Variants in SLC24A3 observed in about 807,000 individuals in gnomAD.
SLC24A3 encodes solute carrier family 24 member 3, also known as sodium/potassium/calcium exchanger 3.
Under a neutral mutation model 75.8 loss-of-function variants are expected in SLC24A3, and 28 were observed. The ratio of observed to expected loss-of-function variants is 0.37; its 90% CI spans 0.27 to 0.51. The LOEUF (loss-of-function observed/expected upper bound fraction) is 0.51, where lower values mean the gene tolerates loss of function less well. Ranked by LOEUF, SLC24A3 falls within the 20% of genes least tolerant of loss-of-function variation. The pLI, the probability that SLC24A3 is intolerant of heterozygous loss-of-function variation, is 0.94. For missense variants in SLC24A3, 663 were observed against 847.8 expected, an observed-to-expected ratio of 0.78 and a Z score of 2.71; for synonymous variants, 372 against 334.1, an observed-to-expected ratio of 1.11 and a Z score of -1.24.
At chr20:19,311,300 G>T (rs1164960246) in intron 2 of SLC24A3, among the ~76,000 whole-genome samples, 1 of 151,826 alleles carries the variant, frequency 6.6e-6, no homozygotes, top group Non-Finnish European at 1.5e-5. Context: ...AGGGCCCGCG[G>T]ATGGGTTCTC....
intron 2 of SLC24A3, among the ~76,000 whole-genome samples, chr20:19,328,811 G>A (rs1363943804): frequency 6.6e-6 from 1 of 152,222 alleles, no homozygotes; most frequent in Non-Finnish European, 1.5e-5. Context: ...GGACTGGGAG[G>A]AAGACAGAAG....
chr20:19,516,116 C>T (rs1228680819), intron 3 of SLC24A3, among the ~76,000 whole-genome samples: 1 of 152,190 alleles, frequency 6.6e-6, no homozygotes, highest in African/African-American at 2.4e-5. Context: ...TGGCAACTAG[C>T]ACCATGTCTG....
intron 3 of SLC24A3, among the ~76,000 whole-genome samples, chr20:19,545,222 T>C (rs949616706): frequency 3.3e-5 from 5 of 152,148 alleles, no homozygotes; most frequent in African/African-American, 4.8e-5. Context: ...CATAAGTACA[T>C]GCAATTATCC....
chr20:19,575,336 G>C (rs970564487), intron 3 of SLC24A3, among the ~76,000 whole-genome samples: 8 of 149,828 alleles, frequency 5.3e-5, no homozygotes, highest in Non-Finnish European at 8.9e-5. Flanking sequence ...TTCATATATA[G>C]AGAGCCCATG....
At chr20:19,505,877 G>T (rs982443771) in intron 2 of SLC24A3, among the ~76,000 whole-genome samples, 2 of 152,098 alleles carry the variant, frequency 1.3e-5, no homozygotes, top group African/African-American at 4.8e-5. Context: ...TAGGGCCCCA[G>T]GACTGTGGGC....
chr20:19,416,241 C>CA (rs1986825290), intron 2 of SLC24A3, among the ~76,000 whole-genome samples: 1 of 152,156 alleles, frequency 6.6e-6, no homozygotes. Flanking sequence ...AACACAAAAA[C>CA]AAAAACAACA....
intron 15 of SLC24A3, among the ~76,000 whole-genome samples, chr20:19,715,998 G>C (rs2033041474): frequency 1.3e-5 from 2 of 152,204 alleles, no homozygotes; most frequent in African/African-American, 4.8e-5. Context: ...AACAGAAGTG[G>C]ATCTGAGCTT....
At chr20:19,634,114 C>G (rs1357515819) in intron 6 of SLC24A3, among the ~76,000 whole-genome samples, 1 of 152,188 alleles carries the variant, frequency 6.6e-6, no homozygotes, top group Non-Finnish European at 1.5e-5. Flanking sequence ...AATACTGAGA[C>G]ATCGCCAGTC....
chr20:19,455,151 G>A (rs956785706), intron 2 of SLC24A3, among the ~76,000 whole-genome samples: 7 of 152,206 alleles, frequency 4.6e-5, no homozygotes, highest in East Asian at 1.9e-4. Context: ...CACCATGCTC[G>A]GAGGAGGAGA....
chr20:19,700,214 G>A (rs1281580054), intron 15 of SLC24A3, among the ~76,000 whole-genome samples: 4 of 152,138 alleles, frequency 2.6e-5, no homozygotes, highest in African/African-American at 9.7e-5. Context: ...AGCCCAACAC[G>A]GGATTGGTTT....
At chr20:19,638,929 T>G (rs374781596) in intron 6 of SLC24A3, among the ~76,000 whole-genome samples, 1 of 152,128 alleles carries the variant, frequency 6.6e-6, no homozygotes, top group Non-Finnish European at 1.5e-5. Flanking sequence ...AAAAGCAGTG[T>G]GGACCCAAAG....
chr20:19,214,321 C>T (rs999866489), intron 1 of SLC24A3, among the ~76,000 whole-genome samples: 1 of 152,122 alleles, frequency 6.6e-6, no homozygotes, highest in African/African-American at 2.4e-5. Flanking sequence ...GGAAGGGGGC[C>T]GTGCCGGTGT....
chr20:19,353,696 A>G (rs1333726246), intron 2 of SLC24A3, among the ~76,000 whole-genome samples: 5 of 152,242 alleles, frequency 3.3e-5, no homozygotes, highest in African/African-American at 1.2e-4. Flanking sequence ...CAGACTAATA[A>G]AAATGCATGA....
intron 2 of SLC24A3, among the ~76,000 whole-genome samples, chr20:19,331,443 A>G (rs576889847): frequency 6.6e-6 from 1 of 151,880 alleles, no homozygotes; most frequent in African/African-American, 2.4e-5. Context: ...GGATGAATGC[A>G]TAGATAGATG....
At chr20:19,603,821 C>T (rs951203757) in intron 6 of SLC24A3, among the ~76,000 whole-genome samples, 7 of 152,164 alleles carry the variant, frequency 4.6e-5, no homozygotes, top group Non-Finnish European at 8.8e-5. Context: ...ACACCTGCAG[C>T]TGTCCTGGCA....
At chr20:19,590,130 G>A (rs962169591) in intron 6 of SLC24A3, among the ~76,000 whole-genome samples, 4 of 149,990 alleles carry the variant, frequency 2.7e-5, no homozygotes, top group Non-Finnish European at 4.4e-5. Flanking sequence ...AAGTAATTGC[G>A]GTTTTTGCCA....
At chr20:19,390,030 T>C (rs997606957) in intron 2 of SLC24A3, among the ~76,000 whole-genome samples, 3 of 152,210 alleles carry the variant, frequency 2.0e-5, no homozygotes, top group Non-Finnish European at 4.4e-5. Context: ...TTCAGTTCAG[T>C]CATTGTGTTC....
chr20:19,317,421 C>T (rs1382736133), intron 2 of SLC24A3, among the ~76,000 whole-genome samples: 1 of 152,164 alleles, frequency 6.6e-6, no homozygotes, highest in Non-Finnish European at 1.5e-5. Context: ...GTGTTACTTT[C>T]ATTTCCACTC....
intron 3 of SLC24A3, 95 bp from the exon 4 acceptor site, chr20:19,579,905 A>T: frequency 1.2e-6 from 1 of 805,110 alleles, no homozygotes; most frequent in Non-Finnish European, 2.0e-6. Flanking sequence ...ATTCATGATG[A>T]CAGAAGACAT....
Sources: gnomAD v4.1 joint callset for allele counts (sites outside exome capture counted in the v4.1 genomes callset) on GRCh38, gnomAD v4.1.1 for gene constraint, MANE v1.5 for transcripts, NCBI Gene and HGNC (gene_info 2026-07-23, HGNC 2026-07-21) for gene names.